Variants in PDP2 observed in about 807,000 individuals in gnomAD.
PDP2 encodes [Pyruvate dehydrogenase [acetyl-transferring]]-phosphatase 2, mitochondrial.
A neutral mutation model predicts 34.2 loss-of-function variants in PDP2; 23 were observed. The observed-to-expected ratio is 0.67, with a 90% CI of 0.48 to 0.95. PDP2 has a LOEUF of 0.95. Ranked by LOEUF, PDP2 falls within the 40% of genes least tolerant of loss-of-function variation. PDP2 has a pLI of 0.00. For synonymous variants in PDP2, 275 were observed against 269.2 expected, an observed-to-expected ratio of 1.02 and a Z score of -0.21; for missense variants, 571 against 659.6, an observed-to-expected ratio of 0.87 and a Z score of 1.47.
At chr16:66,882,706 G>T (rs1467630200) in intron 1 of PDP2, among the ~76,000 whole-genome samples, 1 of 152,204 alleles carries the variant, frequency 6.6e-6, no homozygotes, top group Non-Finnish European at 1.5e-5. Flanking sequence ...TATTTAGCCA[G>T]TATTTGAGGA....
Position 66,885,615 on chromosome 16 carries a change from G to C in PDP2, c.1331G>C (p.Arg444Thr). 6.2e-7 allele frequency: 1 copy of C among 1,614,080 alleles called. No individual in the cohort carries two copies. Among genetic ancestry groups the C allele is most frequent in the Non-Finnish European group, 8.5e-7 (1 of 1,180,036 alleles). Residue 444 changes from arginine to threonine, a missense_variant, in exon 2 of 2, where the codon AGA becomes ACA. Arg to Thr is a moderately conservative substitution (Grantham distance 71). Coordinates refer to ENST00000311765, the MANE Select transcript of PDP2 (RefSeq NM_020786.4). The surrounding 1 kb of genome is among the most constrained non-coding windows in gnomAD (Gnocchi z 4.6). ...TGGCACAAGACAGACCTGGCCCAGA[G>C]ACCCGCCAACTTGGGGCTCATGCAG... is the stretch of plus-strand genomic sequence containing the variant. The part of the protein sequence containing the change: ...ADWHKTDLAQ[R>T]PANLGLMQSL...
rs1596948437 is a variant in PDP2 at position 66,885,295 on chromosome 16, G to A, written c.1011G>A (p.Arg337=). ...SEDRTIIMED[R]LLGVLIPCRA... is the part of the protein sequence containing the mutation. ...ACAGGACGATCATCATGGAGGACAG[G>A]CTACTGGGCGTCCTCATCCCCTGCA... The change falls in exon 2 of 2, where the codon AGG becomes AGA. Residue 337 remains arginine (R), a synonymous_variant. Transcript: ENST00000311765. The surrounding 1 kb of genome is among the most constrained non-coding windows in gnomAD (Gnocchi z 4.6). 5 of 1,614,134 alleles carry A rather than the reference G, an allele frequency of 3.1e-6. No homozygotes were observed. The highest frequency in any genetic ancestry group is 4.2e-6 in the Non-Finnish European group (5 of 1,179,998).
In PDP2 at chr16:66,884,880, A is replaced by G. The variant is rs749640993; in HGVS notation, c.596A>G (p.Lys199Arg). 1 of 1,614,100 alleles carries G rather than the reference A, an allele frequency of 6.2e-7. No homozygotes were observed. The highest frequency in any genetic ancestry group is 1.1e-5 in the South Asian group (1 of 91,092). ...WLKHPGDSIY[K>R]DVTSVHLDHL... is the part of the protein sequence containing the mutation. ...AAGCACCCAGGGGACAGTATCTACA[A>G]GGATGTCACATCTGTGCATCTTGAC... Residue 199 changes from lysine (K) to arginine (R), a missense_variant, in exon 2 of 2, where the codon AAG (lysine) becomes AGG (arginine). Around this residue, in one of 2 missense-constraint regions of PDP2, gnomAD observed 290 missense variants for 283.8 expected, o/e 1.02. Transcript: ENST00000311765.
chr16:66,888,848 C>G lies in PDP2; in HGVS notation c.*2974C>G, dbSNP rs1319493022. On this transcript the variant is annotated 3_prime_UTR_variant, in exon 2 of 2. Transcript: ENST00000311765. ...AGCTGAGAGAACACAGACTCCTTAC[C>G]TGTATCTCCAGGCATATCTGGTTTT... is the stretch of plus-strand genomic sequence containing the variant. 6.6e-6 allele frequency: 1 copy of G among 152,214 alleles called. No homozygotes were observed. Among genetic ancestry groups the G allele is most frequent in the African/African-American group, 2.4e-5 (1 of 41,444 alleles). 9.4% of individuals were successfully genotyped at this position (152,214 alleles called of 1,614,324 possible). A position where few individuals can be genotyped will look rare whatever the true frequency, so the allele number is the denominator to read the frequency against.
chr16:66,885,384 G>A lies in PDP2; in HGVS notation c.1100G>A (p.Gly367Asp). ...KELQRSILERGFNTEALNIYQ... is the reference protein window; with the variant it reads ...KELQRSILERDFNTEALNIYQ... ...TTGCAGCGCAGCATTCTGGAGAGGG[G>A]CTTCAATACCGAGGCCCTCAACATT... The change falls in exon 2 of 2, where the codon GGC becomes GAC. Residue 367 changes from glycine to aspartate, a missense_variant. This residue lies in a region of PDP2 where 281 missense variants were observed against 375.8 expected (regional missense o/e 0.75). Transcript: ENST00000311765. This position sits in a 1 kb window ranked among gnomAD's most constrained non-coding sequence, Gnocchi z 4.6. 6.2e-7 allele frequency: 1 copy of A among 1,613,990 alleles called. No individual in the cohort carries two copies. The highest frequency in any genetic ancestry group is 8.5e-7 in the Non-Finnish European group (1 of 1,180,020).
At position 66,886,049 on chromosome 16, in the gene PDP2, A is replaced by C; in HGVS notation, c.*175A>C. ...TAGCTTTAAAAAACAGTGAAATAGCAGTGATTTCATGTCCCTGTATGTTCT... is the reference window on the plus strand; with the variant it reads ...TAGCTTTAAAAAACAGTGAAATAGCCGTGATTTCATGTCCCTGTATGTTCT... On this transcript the variant is annotated 3_prime_UTR_variant, in exon 2 of 2. Coordinates refer to ENST00000311765, the MANE Select transcript of PDP2 (RefSeq NM_020786.4). 1.6e-6 allele frequency: 1 copy of C among 637,968 alleles called. No homozygotes were observed. The highest frequency in any genetic ancestry group is 2.8e-5 in the East Asian group (1 of 35,992). The allele number at this position is 637,968 out of a possible 1,614,324, so 39.5% of individuals were successfully genotyped here.
intron 1 of PDP2, among the ~76,000 whole-genome samples, chr16:66,882,224 C>T (rs1207195773): frequency 2.6e-5 from 4 of 152,106 alleles, no homozygotes; most frequent in Non-Finnish European, 4.4e-5. Context: ...AGGCCAAGGG[C>T]GGAAGATCGC....
At chr16:66,882,464 A>T (rs1961565841) in intron 1 of PDP2, among the ~76,000 whole-genome samples, 2 of 152,066 alleles carry the variant, frequency 1.3e-5, no homozygotes, top group African/African-American at 4.8e-5. Flanking sequence ...AAAAAACCAA[A>T]CAAAAAATAC....
In PDP2 at chr16:66,889,800, A is replaced by G. The variant is rs1426195586; in HGVS notation, c.*3926A>G. 2 of 138,528 alleles carry G rather than the reference A, an allele frequency of 1.4e-5. No homozygotes were observed. The highest frequency in any genetic ancestry group is 3.1e-5 in the Non-Finnish European group (2 of 63,552). 8.6% of individuals were successfully genotyped at this position (138,528 alleles called of 1,614,324 possible). ...TGGGCAACATAGATCTTGCCTCTAC[A>G]AAAAAAAAAAAAAATAGCCAGGTGT... On this transcript the variant is annotated 3_prime_UTR_variant, in exon 2 of 2. Coordinates refer to ENST00000311765, the MANE Select transcript of PDP2 (RefSeq NM_020786.4).
At position 66,884,924 on chromosome 16, in the gene PDP2, C is replaced by G. The variant is rs774135003; in HGVS notation, c.640C>G (p.Gln214Glu). 3.7e-6 allele frequency: 6 copies of G among 1,614,066 alleles called. No homozygotes were observed. The East Asian group carries it at 1.3e-4, about 36-fold the overall frequency. ...VHLDHLRVYW[Q>E]ELLDLHMEMG... is the part of the protein sequence containing the mutation. ...TCTTGACCACCTCCGTGTCTATTGG[C>G]AGGAACTGCTTGATTTGCACATGGA... Residue 214 changes from glutamine (Q) to glutamate (E), a missense_variant, in exon 2 of 2, where the codon CAG becomes GAG. Coordinates refer to ENST00000311765, the MANE Select transcript of PDP2 (RefSeq NM_020786.4).
Position 66,891,034 on chromosome 16 carries a change from C to T in PDP2, c.*5160C>T, listed in dbSNP as rs1414922212. On this transcript the variant is annotated 3_prime_UTR_variant, in exon 2 of 2. Transcript: ENST00000311765. ...GTATTTTAAGCTGTATACCAATGTT[C>T]GTATTTGACATTGATTTTCTAACCA... The T allele has an allele frequency of 1.3e-5, 2 of 152,086 alleles. No homozygotes were observed. The highest frequency in any genetic ancestry group is 1.9e-4 in the East Asian group (1 of 5,188). The allele number at this position is 152,086 out of a possible 1,614,324, so 9.4% of individuals were successfully genotyped here.
intron 1 of PDP2, chr16:66,882,942 C>A (rs1169182688): frequency 6.6e-6 from 1 of 151,990 alleles, no homozygotes; most frequent in Non-Finnish European, 1.5e-5. Flanking sequence ...CCTCTCACCT[C>A]AGCCTTACAA....
At chr16:66,884,209 A>G (rs1449665918) in intron 1 of PDP2, 22 bp from the exon 2 acceptor site, 8 of 1,331,656 alleles carry the variant, frequency 6.0e-6, no homozygotes, top group Admixed American at 2.3e-5. Context: ...TAAATTTGAA[A>G]CTTCAACTTT....
intron 1 of PDP2, among the ~76,000 whole-genome samples, chr16:66,882,649 C>G (rs1364164193): frequency 2.0e-5 from 3 of 151,834 alleles, no homozygotes; most frequent in Non-Finnish European, 4.4e-5. Context: ...TGATGCTACA[C>G]AAGATAGTAT....
chr16:66,884,436 G>A lies in PDP2; in HGVS notation c.152G>A (p.Ser51Asn). The part of the protein sequence containing the change: ...LFSRVPPTLN[S>N]SPCGGFTLCK... ...TCCCGGGTGCCACCCACCCTAAACAGTTCCCCATGTGGTGGCTTTACTCTG... is the reference window on the plus strand; with the variant it reads ...TCCCGGGTGCCACCCACCCTAAACAATTCCCCATGTGGTGGCTTTACTCTG... The change falls in exon 2 of 2, where the codon AGT (serine) becomes AAT (asparagine). Residue 51 changes from serine (S) to asparagine (N), a missense_variant. By Grantham distance (46) the Ser-to-Asn change is conservative (BLOSUM62 1). Around this residue, in one of 2 missense-constraint regions of PDP2, gnomAD observed 290 missense variants for 283.8 expected, o/e 1.02. Transcript: ENST00000311765. 1 of 1,614,132 alleles carries A rather than the reference G, an allele frequency of 6.2e-7. No homozygotes were observed. Among genetic ancestry groups the A allele is most frequent in the Non-Finnish European group, 8.5e-7 (1 of 1,180,020 alleles).
At position 66,885,897 on chromosome 16, in the gene PDP2, G is replaced by A. The variant is rs1160118062; in HGVS notation, c.*23G>A. ...TAAGAATCTCCCATCCTATTGTCAA[G>A]GTTAACATAAATGCTCTTCTAAAAT... On this transcript the variant is annotated 3_prime_UTR_variant, in exon 2 of 2. Transcript: ENST00000311765. This position sits in a 1 kb window ranked among gnomAD's most constrained non-coding sequence, Gnocchi z 4.6. The A allele has an allele frequency of 1.9e-6, 3 of 1,570,412 alleles. No individual in the cohort carries two copies. Among genetic ancestry groups the A allele is most frequent in the East Asian group, 2.3e-5 (1 of 44,354 alleles).
chr16:66,884,184 A>AAG, intron 1 of PDP2, 47 bp from the exon 2 acceptor site: 2 of 1,207,322 alleles, frequency 1.7e-6, no homozygotes, highest in South Asian at 3.2e-5. Flanking sequence ...AAAAAAAAAA[A>AAG]AAAAAAAAAG....
chr16:66,881,300 G>T (rs1422470332), intron 1 of PDP2, among the ~76,000 whole-genome samples: 5 of 152,082 alleles, frequency 3.3e-5, no homozygotes, highest in Non-Finnish European at 7.4e-5. Flanking sequence ...GGGGGTGGGG[G>T]AGTGAAGGGA....
rs1264216479 is a variant in PDP2 at position 66,886,836 on chromosome 16, T to G, written c.*962T>G. On this transcript the variant is annotated 3_prime_UTR_variant, in exon 2 of 2. Coordinates refer to ENST00000311765, the MANE Select transcript of PDP2 (RefSeq NM_020786.4). ...CCTCATTCACCCTGCACCTGCCAAC[T>G]GCAAAATATTGTCTGAAAGAATCTT... The G allele has an allele frequency of 5.5e-6, 1 of 182,198 alleles. No homozygotes were observed. Among genetic ancestry groups the G allele is most frequent in the Non-Finnish European group, 1.3e-5 (1 of 76,090 alleles). The allele number at this position is 182,198 out of a possible 1,614,324, so 11.3% of individuals were successfully genotyped here.
Sources: gnomAD v4.1 joint callset for allele counts (sites outside exome capture counted in the v4.1 genomes callset) on GRCh38, gnomAD v4.1.1 for gene constraint, gnomAD v4.1.1 regional missense constraint, Gnocchi (gnomAD v3.1) non-coding constraint, MANE v1.5 for transcripts, NCBI Gene and HGNC (gene_info 2026-07-23, HGNC 2026-07-21) for gene names.